Variants in DACH2 observed in about 807,000 individuals in gnomAD.
The protein encoded by DACH2 is dachshund homolog 2.
In DACH2, 17 loss-of-function variants were observed where a neutral mutation model predicts 35.8. The ratio of observed to expected loss-of-function variants is 0.48; its 90% CI spans 0.33 to 0.71. The LOEUF is 0.71. Ranked by LOEUF, DACH2 falls within the 30% of genes least tolerant of loss-of-function variation. The probability of loss-of-function intolerance (pLI) is 0.02; values close to 1 mark genes in which losing one functional copy is unlikely to be tolerated. For synonymous variants in DACH2, 195 were observed against 177.3 expected (o/e 1.10, Z -0.79); for missense variants, 469 against 472.7 (o/e 0.99, Z 0.07).
intron 4 of DACH2, 99 bp downstream of exon 4, chrX:86,651,266 C>A: frequency 1.1e-6 from 1 of 914,486 alleles, no homozygotes; most frequent in Non-Finnish European, 1.5e-6. Context: ...AATAAGTCTA[C>A]TTTGGTTATA....
At chrX:86,694,909 A>C (rs902865895) in intron 4 of DACH2, 112 bp from the exon 5 acceptor site, 5 of 540,602 alleles carry the variant, frequency 9.2e-6, no homozygotes, top group Non-Finnish European at 1.3e-5. Context: ...ACTGTGTTCA[A>C]TAATAATTTC....
At chrX:86,392,418 GATAT>G (rs1483708048) in intron 2 of DACH2, among the ~76,000 whole-genome samples, 4 of 111,947 alleles carry the variant, frequency 3.6e-5, no homozygotes, top group Admixed American at 9.5e-5. Flanking sequence ...GATATTGTAT[GATAT>G]ATAGACTACA....
chrX:86,588,496 C>T (rs1273193579), intron 3 of DACH2, among the ~76,000 whole-genome samples: 2 of 111,995 alleles, frequency 1.8e-5, no homozygotes, highest in African/African-American at 6.5e-5. Context: ...AATCCATGAG[C>T]ATGGAATATT....
intron 1 of DACH2, among the ~76,000 whole-genome samples, chrX:86,321,674 G>GGC (rs2035018658): frequency 9.0e-6 from 1 of 111,254 alleles, no homozygotes; most frequent in Non-Finnish European, 1.9e-5. Context: ...CTACTATAAA[G>GGC]ATATATTATT....
chrX:86,157,662 T>C (rs1476056686), intron 1 of DACH2, among the ~76,000 whole-genome samples: 1 of 111,651 alleles, frequency 9.0e-6, no homozygotes, highest in African/African-American at 3.2e-5. Context: ...TTAACAGTTA[T>C]AACCATTATA....
At chrX:86,785,711 C>A (rs766256212) in intron 7 of DACH2, among the ~76,000 whole-genome samples, 47 of 111,241 alleles carry the variant, frequency 4.2e-4, no homozygotes, top group Non-Finnish European at 7.9e-4. Flanking sequence ...TATGTGAAAA[C>A]CTTAGGAGCA....
chrX:86,643,704 A>G (rs1475694841), intron 3 of DACH2, among the ~76,000 whole-genome samples: 1 of 111,451 alleles, frequency 9.0e-6, no homozygotes, highest in Non-Finnish European at 1.9e-5. Flanking sequence ...TGATGCAAAA[A>G]AAAACCTCCA....
At chrX:86,198,650 A>C (rs1204155453) in intron 1 of DACH2, among the ~76,000 whole-genome samples, 1 of 111,945 alleles carries the variant, frequency 8.9e-6, no homozygotes, top group Non-Finnish European at 1.9e-5. Context: ...TATGCACATA[A>C]ACCAGAAAAT....
chrX:86,241,219 T>A (rs1237313578), intron 1 of DACH2, among the ~76,000 whole-genome samples: 2 of 111,892 alleles, frequency 1.8e-5, no homozygotes, highest in Non-Finnish European at 3.8e-5. Flanking sequence ...TGTATGGTTT[T>A]AACCAAAATA....
At chrX:86,277,517 C>T (rs2033940914) in intron 1 of DACH2, among the ~76,000 whole-genome samples, 1 of 111,946 alleles carries the variant, frequency 8.9e-6, no homozygotes, top group African/African-American at 3.2e-5. Flanking sequence ...TTATTTTAGA[C>T]TATGGAAATG....
chrX:86,274,939 A>G (rs1332659647), intron 1 of DACH2, among the ~76,000 whole-genome samples: 1 of 112,156 alleles, frequency 8.9e-6, no homozygotes, highest in Non-Finnish European at 1.9e-5. Flanking sequence ...ATCTTCAATG[A>G]ATACAAAAGG....
At chrX:86,356,436 C>A (rs1050036221) in intron 1 of DACH2, among the ~76,000 whole-genome samples, 1 of 111,177 alleles carries the variant, frequency 9.0e-6, no homozygotes, top group Non-Finnish European at 1.9e-5. Context: ...ATTACTGTAG[C>A]CTTGTAGCAT....
intron 7 of DACH2, among the ~76,000 whole-genome samples, chrX:86,805,211 G>A (rs992882499): frequency 5.3e-5 from 6 of 113,084 alleles, no homozygotes; most frequent in African/African-American, 1.9e-4. Flanking sequence ...CTCAGCTCTT[G>A]CACTCTGTGC....
In DACH2 at chrX:86,430,824, C is replaced by T. The variant is rs182252688; in HGVS notation, c.527+53962C>T. Among the ~76,000 whole-genome samples the T allele has an allele frequency of 2.8e-4, 31 of 111,994 alleles. No homozygotes were observed. In the East Asian group the frequency reaches 3.4e-3, roughly 12 times the overall value. Reference sequence around the variant, plus strand: ...TGCTCACGTAACTCAAACCTATCCCCCTGTTTTAAACAATAGTAATAAGAG... The same window carrying T: ...TGCTCACGTAACTCAAACCTATCCCTCTGTTTTAAACAATAGTAATAAGAG... On this transcript the variant is annotated intron_variant, in intron 2 of 11. Transcript: ENST00000373125.
intron 1 of DACH2, chrX:86,160,306 G>C: frequency 9.0e-7 from 1 of 1,115,860 alleles, no homozygotes; most frequent in Non-Finnish European, 1.2e-6. Context: ...CCACTGCCTT[G>C]ATGACACCCA....
intron 1 of DACH2, among the ~76,000 whole-genome samples, chrX:86,282,451 T>C (rs1327483225): frequency 9.0e-6 from 1 of 111,718 alleles, no homozygotes; most frequent in Non-Finnish European, 1.9e-5. Context: ...GCTAGCCATA[T>C]ACAGAAAAAG....
At chrX:86,767,196 T>C (rs2041943453) in intron 7 of DACH2, among the ~76,000 whole-genome samples, 1 of 112,006 alleles carries the variant, frequency 8.9e-6, no homozygotes, top group African/African-American at 3.2e-5. Context: ...TCAATATCAC[T>C]GAGGCTTGAA....
intron 1 of DACH2, among the ~76,000 whole-genome samples, chrX:86,321,209 A>G (rs777997952): frequency 9.0e-5 from 10 of 111,475 alleles, no homozygotes; most frequent in Non-Finnish European, 1.3e-4. Context: ...TCCCAACCAA[A>G]CTAATATTGT....
chrX:86,622,246 A>G (rs1209940018), intron 3 of DACH2, among the ~76,000 whole-genome samples: 2 of 112,111 alleles, frequency 1.8e-5, no homozygotes, highest in Non-Finnish European at 3.8e-5. Context: ...TTTTGCTGAG[A>G]TCAAAAGTCA....
Sources: allele counts gnomAD v4.1 joint callset (sites outside exome capture counted in the v4.1 genomes callset), GRCh38; gene constraint gnomAD v4.1.1; transcripts MANE v1.5; gene names NCBI Gene and HGNC (gene_info 2026-07-23, HGNC 2026-07-21).